Variants in IGF2R observed in about 807,000 individuals in gnomAD.
IGF2R encodes the protein cation-independent mannose-6-phosphate receptor.
IGF2R carries 91 observed loss-of-function variants against 270.6 expected under a neutral mutation model. That is an observed-to-expected ratio of 0.34 (90% confidence interval 0.28 to 0.40). The LOEUF (loss-of-function observed/expected upper bound fraction) is 0.40. Among genes scored for constraint, IGF2R ranks in the 10% least tolerant of loss-of-function variants. The probability of loss-of-function intolerance (pLI) is 1.00; values close to 1 mark genes in which losing one functional copy is unlikely to be tolerated. For synonymous variants in IGF2R, 1,316 were observed against 1,258.9 expected, an observed-to-expected ratio of 1.05 and a Z score of -0.96; for missense variants, 2,805 against 3,188.3, an observed-to-expected ratio of 0.88 and a Z score of 2.90.
chr6:160,082,273 T>A (rs536610549), intron 39 of IGF2R, among the ~76,000 whole-genome samples: 1 of 152,352 alleles, frequency 6.6e-6, no homozygotes, highest in Admixed American at 6.5e-5. Flanking sequence ...ATCACACTCC[T>A]GTTTTCAAGT....
At chr6:159,974,819 A>G (rs904040988) in intron 1 of IGF2R, among the ~76,000 whole-genome samples, 17 of 152,172 alleles carry the variant, frequency 1.1e-4, no homozygotes, top group Non-Finnish European at 1.5e-4. Flanking sequence ...GCCTACCCCA[A>G]GGTCTCAAAG....
intron 1 of IGF2R, among the ~76,000 whole-genome samples, chr6:159,985,767 G>A (rs2115178156): frequency 6.6e-6 from 1 of 152,362 alleles, no homozygotes; most frequent in South Asian, 2.1e-4. Context: ...CTCTCCAGCT[G>A]TCAGGCTGGC....
At position 160,061,888 on chromosome 6, in the gene IGF2R, G is replaced by A. The variant is rs1163791848; in HGVS notation, c.3542G>A (p.Arg1181His). 3.1e-6 allele frequency: 5 copies of A among 1,614,110 alleles called. No individual in the cohort carries two copies. Among genetic ancestry groups the A allele is most frequent in the Middle Eastern group, 1.6e-4 (1 of 6,062 alleles). Residue 1181 changes from arginine to histidine, a missense_variant, in exon 25 of 48, where the codon CGC becomes CAC. Arg to His is a conservative substitution (Grantham distance 29). Coordinates refer to ENST00000356956, the MANE Select transcript of IGF2R (RefSeq NM_000876.4). ...YVNGDKCGNQ[R>H]FSTRITFECA... is the part of the protein sequence containing the mutation. ...AACGGTGACAAGTGTGGGAACCAGCGCTTCTCCACCAGGATCACGTTTGAG... is the reference window on the plus strand; with the variant it reads ...AACGGTGACAAGTGTGGGAACCAGCACTTCTCCACCAGGATCACGTTTGAG...
intron 1 of IGF2R, among the ~76,000 whole-genome samples, chr6:159,986,433 T>G (rs4989599): frequency 0.19 from 24,904 of 133,744 alleles, 2,524 homozygotes; most frequent in East Asian, 0.59. Context: ...TGTGTGTGTT[T>G]TTTTTTTTTT....
intron 4 of IGF2R, among the ~76,000 whole-genome samples, chr6:160,014,338 G>A (rs138810063): frequency 3.9e-5 from 6 of 152,308 alleles, no homozygotes; most frequent in African/African-American, 1.2e-4. Flanking sequence ...TGCTAAATTC[G>A]TGGTCTTATG....
intron 2 of IGF2R, chr6:160,007,232 CTT>C (rs912179436): frequency 3.9e-5 from 6 of 152,154 alleles, no homozygotes; most frequent in African/African-American, 1.4e-4. Flanking sequence ...ATGGTTTTCT[CTT>C]TTATATAGAC....
intron 29 of IGF2R, among the ~76,000 whole-genome samples, chr6:160,065,160 T>C (rs1416713203): frequency 6.6e-6 from 1 of 152,220 alleles, no homozygotes; most frequent in Non-Finnish European, 1.5e-5. Flanking sequence ...GTGATCCACA[T>C]GTCAGTGAGC....
Position 160,080,132 on chromosome 6 carries a change from C to G in IGF2R, c.5690C>G (p.Thr1897Ser). Reference protein sequence around the residue: ...YVNGDRCPPETDDGVPCVFPF... With the variant: ...YVNGDRCPPESDDGVPCVFPF... ...ATAATGTTCTTCTTCTTTCCAGAAA[C>G]CGATGACGGCGTCCCCTGTGTCTTC... The change falls in exon 39 of 48, where the codon ACC becomes AGC. Residue 1897 changes from threonine to serine, a missense_variant. Thr to Ser is a moderately conservative substitution (Grantham distance 58, BLOSUM62 1). Coordinates refer to ENST00000356956, the MANE Select transcript of IGF2R (RefSeq NM_000876.4). 6.2e-7 allele frequency: 1 copy of G among 1,613,986 alleles called. No homozygotes were observed. Among genetic ancestry groups the G allele is most frequent in the Non-Finnish European group, 8.5e-7 (1 of 1,179,954 alleles).
At chr6:159,972,135 A>G (rs1470418797) in intron 1 of IGF2R, among the ~76,000 whole-genome samples, 1 of 152,180 alleles carries the variant, frequency 6.6e-6, no homozygotes, top group Non-Finnish European at 1.5e-5. Flanking sequence ...ATTTGATACA[A>G]AAAATTTTAT....
chr6:160,039,690 G>T (rs1777903118), intron 10 of IGF2R, among the ~76,000 whole-genome samples: 1 of 152,174 alleles, frequency 6.6e-6, no homozygotes, highest in African/African-American at 2.4e-5. Context: ...CTCAGACAAG[G>T]ATTATGAAAC....
At chr6:159,980,855 A>C (rs568900848) in intron 1 of IGF2R, among the ~76,000 whole-genome samples, 2 of 152,210 alleles carry the variant, frequency 1.3e-5, no homozygotes, top group African/African-American at 2.4e-5. Context: ...AGACATCCAC[A>C]TGGCAAAGCA....
At position 160,102,912 on chromosome 6, in the gene IGF2R, CG is replaced by C. The variant is rs1779521678; in HGVS notation, c.6995+242del. ...CACCCGTGCCTGCGGCTTCTAGGAC[CG>C]TGGTCCTTTGTGTCCAAAGATGAGT... On this transcript the variant is annotated intron_variant, in intron 46 of 47. Transcript: ENST00000356956. The surrounding 1 kb of genome is among the most constrained non-coding windows in gnomAD (Gnocchi z 4.5). Among the ~76,000 whole-genome samples, 2 of 152,178 alleles carry C rather than the reference CG, an allele frequency of 1.3e-5. No homozygotes were observed. The highest frequency in any genetic ancestry group is 2.9e-5 in the Non-Finnish European group (2 of 68,028).
intron 11 of IGF2R, among the ~76,000 whole-genome samples, chr6:160,042,915 T>C (rs553713795): frequency 6.6e-5 from 10 of 152,266 alleles, no homozygotes; most frequent in Admixed American, 3.3e-4. Flanking sequence ...CCTACTCTTC[T>C]GAAGAAGTAT....
chr6:160,046,795 A>C, intron 15 of IGF2R, 150 bp downstream of exon 15: 2 of 913,316 alleles, frequency 2.2e-6, no homozygotes, highest in Middle Eastern at 3.3e-4. Context: ...GAAGGATGTT[A>C]GGAGTTTAAT....
At chr6:160,047,757 T>C in intron 16 of IGF2R, 35 bp from the exon 17 acceptor site, 1 of 1,299,774 alleles carries the variant, frequency 7.7e-7, no homozygotes. Context: ...GTCTTTCTCT[T>C]TTTGCCATCC....
chr6:160,100,590 A>G (rs1779460334), intron 45 of IGF2R, among the ~76,000 whole-genome samples: 1 of 152,154 alleles, frequency 6.6e-6, no homozygotes, highest in Non-Finnish European at 1.5e-5. Flanking sequence ...CAGCACAGTG[A>G]AAAGCAAGAT....
chr6:160,013,805 G>C (rs1204643157), intron 4 of IGF2R, among the ~76,000 whole-genome samples: 1 of 152,070 alleles, frequency 6.6e-6, no homozygotes, highest in Non-Finnish European at 1.5e-5. Context: ...AAAATGTAGT[G>C]CTGTCACTGT....
At chr6:160,081,600 C>T (rs748949584) in intron 39 of IGF2R, among the ~76,000 whole-genome samples, 18 of 152,300 alleles carry the variant, frequency 1.2e-4, no homozygotes, top group Middle Eastern at 6.8e-3. Context: ...AGCCTGGGGG[C>T]GCTGCAGGAG....
Position 160,108,407 on chromosome 6 carries a change from T to G in IGF2R, c.*3323T>G, listed in dbSNP as rs1362905265. The G allele has an allele frequency of 6.6e-6, 1 of 152,382 alleles. No individual in the cohort carries two copies. The highest frequency in any genetic ancestry group is 1.9e-4 in the East Asian group (1 of 5,194). 9.4% of individuals were successfully genotyped at this position (152,382 alleles called of 1,614,324 possible). On this transcript the variant is annotated 3_prime_UTR_variant, in exon 48 of 48. Coordinates refer to ENST00000356956, the MANE Select transcript of IGF2R (RefSeq NM_000876.4). ...TGTTGTGACTGTCACAGTAAGGAGT[T>G]TGAAGTCCTGAAAGCAGTTGAGAGC...
Sources: gnomAD v4.1 joint callset for allele counts (sites outside exome capture counted in the v4.1 genomes callset) on GRCh38, gnomAD v4.1.1 for gene constraint, Gnocchi (gnomAD v3.1) non-coding constraint, MANE v1.5 for transcripts, NCBI Gene and HGNC (gene_info 2026-07-23, HGNC 2026-07-21) for gene names.